Variants in CSMD1 observed in about 807,000 individuals in gnomAD.
CSMD1 encodes the protein CUB and Sushi multiple domains 1.
In CSMD1, 213 loss-of-function variants were observed where a neutral mutation model predicts 417.5. The ratio of observed to expected loss-of-function variants is 0.51; its 90% confidence interval spans 0.46 to 0.57. The LOEUF is 0.57. Among genes scored for constraint, CSMD1 ranks in the 20% least tolerant of loss-of-function variants. The pLI is 0.00. For synonymous variants in CSMD1, 2,862 were observed against 1,736.8 expected (o/e 1.65, Z -16.11); for missense variants, 6,923 against 4,529.7 (o/e 1.53, Z -15.17).
chr8:4,929,715 C>T (rs1807114784), intron 1 of CSMD1, among the ~76,000 whole-genome samples: 2 of 152,050 alleles, frequency 1.3e-5, no homozygotes, highest in South Asian at 4.1e-4. Context: ...TTTCTGGAGC[C>T]CGCACTTGAC....
intron 3 of CSMD1, among the ~76,000 whole-genome samples, chr8:4,057,755 T>C (rs1359912022): frequency 7.9e-5 from 12 of 152,104 alleles, no homozygotes; most frequent in Non-Finnish European, 2.9e-5. Flanking sequence ...TACATATGGC[T>C]AGCCAGTTTT....
intron 3 of CSMD1, among the ~76,000 whole-genome samples, chr8:4,134,875 G>C (rs1356826775): frequency 6.6e-6 from 1 of 152,168 alleles, no homozygotes; most frequent in Non-Finnish European, 1.5e-5. Context: ...CTAGAATAAA[G>C]TTACACAAAT....
At chr8:4,664,354 G>A (rs1384815741) in intron 1 of CSMD1, among the ~76,000 whole-genome samples, 1 of 152,250 alleles carries the variant, frequency 6.6e-6, no homozygotes, top group Non-Finnish European at 1.5e-5. Flanking sequence ...GAGCTCAGGA[G>A]TTCTAGACCA....
intron 3 of CSMD1, among the ~76,000 whole-genome samples, chr8:4,326,910 G>C (rs986685364): frequency 1.3e-5 from 2 of 152,150 alleles, no homozygotes; most frequent in East Asian, 1.9e-4. Context: ...AGGAGGAAAA[G>C]TAAGTTAGGA....
At chr8:4,092,616 G>T (rs775356529) in intron 3 of CSMD1, among the ~76,000 whole-genome samples, 1 of 152,120 alleles carries the variant, frequency 6.6e-6, no homozygotes, top group Non-Finnish European at 1.5e-5. Context: ...GCAATTATGA[G>T]AAGAATGACG....
intron 2 of CSMD1, among the ~76,000 whole-genome samples, chr8:4,555,979 T>C (rs1318108008): frequency 7.9e-5 from 12 of 152,250 alleles, no homozygotes; most frequent in Non-Finnish European, 5.9e-5. Context: ...TATAAAATGA[T>C]TGATTTTCTG....
At chr8:3,982,242 A>G (rs1813941014) in intron 5 of CSMD1, among the ~76,000 whole-genome samples, 1 of 150,760 alleles carries the variant, frequency 6.6e-6, no homozygotes, top group Non-Finnish European at 1.5e-5. Flanking sequence ...CTACAATCTG[A>G]GCTAAAACTT....
At chr8:4,957,784 A>G (rs1435349046) in intron 1 of CSMD1, among the ~76,000 whole-genome samples, 5 of 152,162 alleles carry the variant, frequency 3.3e-5, no homozygotes, top group Non-Finnish European at 7.3e-5. Flanking sequence ...GTGTACACAA[A>G]CTGACTAGGA....
intron 1 of CSMD1, among the ~76,000 whole-genome samples, chr8:4,766,802 T>C (rs774057438): frequency 1.5e-4 from 23 of 152,194 alleles, no homozygotes; most frequent in Non-Finnish European, 2.5e-4. Context: ...TCTACATATG[T>C]TACATCAATG....
intron 35 of CSMD1, among the ~76,000 whole-genome samples, chr8:3,188,184 A>G (rs1264287765): frequency 6.8e-6 from 1 of 148,074 alleles, no homozygotes; most frequent in East Asian, 2.0e-4. Flanking sequence ...AATATTATAT[A>G]TATATACCTT....
At chr8:4,601,672 C>A (rs1201847156) in intron 2 of CSMD1, among the ~76,000 whole-genome samples, 1 of 152,156 alleles carries the variant, frequency 6.6e-6, no homozygotes, top group Non-Finnish European at 1.5e-5. Flanking sequence ...TTTCTCCATA[C>A]CCCTCATCAT....
intron 5 of CSMD1, among the ~76,000 whole-genome samples, chr8:3,773,310 G>A (rs1453791425): frequency 6.6e-6 from 1 of 152,138 alleles, no homozygotes; most frequent in Non-Finnish European, 1.5e-5. Flanking sequence ...GTAGGATGGG[G>A]TCTTGCCCTG....
At chr8:4,726,654 C>T (rs1052772251) in intron 1 of CSMD1, among the ~76,000 whole-genome samples, 1 of 152,188 alleles carries the variant, frequency 6.6e-6, no homozygotes, top group Non-Finnish European at 1.5e-5. Flanking sequence ...CTTCATCATC[C>T]TCCCTCCTCT....
chr8:3,481,118 G>A (rs1467658173), intron 11 of CSMD1, among the ~76,000 whole-genome samples: 3 of 131,192 alleles, frequency 2.3e-5, no homozygotes, highest in Admixed American at 9.5e-5. Context: ...ATTAGCCACT[G>A]CACTCCAGCC....
intron 9 of CSMD1, among the ~76,000 whole-genome samples, chr8:3,585,355 C>T (rs77760344): frequency 0.024 from 3,644 of 152,238 alleles, 153 homozygotes; most frequent in African/African-American, 0.08. Context: ...ACATATGAAG[C>T]TTTCCTTTTT....
chr8:3,027,585 G>T (rs117110708), intron 51 of CSMD1, among the ~76,000 whole-genome samples: 2 of 152,300 alleles, frequency 1.3e-5, no homozygotes, highest in Middle Eastern at 3.4e-3. Flanking sequence ...ACATTCAAGG[G>T]ACAAATAGCA....
chr8:3,020,054 A>C (rs1481846212), intron 51 of CSMD1, among the ~76,000 whole-genome samples: 1 of 152,232 alleles, frequency 6.6e-6, no homozygotes, highest in Admixed American at 6.5e-5. Flanking sequence ...AGTAAAGCAC[A>C]GTGAGGAAGA....
intron 3 of CSMD1, among the ~76,000 whole-genome samples, chr8:4,325,159 A>G (rs1162187008): frequency 1.3e-5 from 2 of 152,188 alleles, no homozygotes; most frequent in East Asian, 3.9e-4. Flanking sequence ...CACAGGGGAA[A>G]GAGGAGAAAA....
intron 17 of CSMD1, among the ~76,000 whole-genome samples, chr8:3,390,342 A>G: frequency 7.5e-6 from 1 of 133,222 alleles, no homozygotes; most frequent in African/African-American, 2.9e-5. Context: ...GCGACAGAGC[A>G]AGACTCTGTC....
Sources: gnomAD v4.1 joint callset for allele counts (sites outside exome capture counted in the v4.1 genomes callset) on GRCh38, gnomAD v4.1.1 for gene constraint, MANE v1.5 for transcripts, NCBI Gene and HGNC (gene_info 2026-07-23, HGNC 2026-07-21) for gene names.